Variants in ZNF385D observed in about 807,000 individuals in gnomAD.
ZNF385D encodes the protein zinc finger protein 385D.
In ZNF385D, 15 loss-of-function variants were observed where a neutral mutation model predicts 35.8. The ratio of observed to expected loss-of-function variants is 0.42; its 90% CI spans 0.28 to 0.64. ZNF385D has a LOEUF of 0.64. ZNF385D is among the 30% of genes least tolerant of loss of function. ZNF385D has a pLI of 0.23. For synonymous variants in ZNF385D, 212 were observed against 186.8 expected (o/e 1.13, Z -1.10); for missense variants, 474 against 494.6 (o/e 0.96, Z 0.39).
chr3:21,806,562 G>A (rs1251455958), intron 3 of ZNF385D, among the ~76,000 whole-genome samples: 1 of 152,058 alleles, frequency 6.6e-6, no homozygotes, highest in African/African-American at 2.4e-5. Flanking sequence ...TGAAACCAGT[G>A]CAATTTTTAT....
chr3:21,556,068 G>GTTTTTTTTTTTTTTTTTTTTT (rs148079775), intron 3 of ZNF385D, among the ~76,000 whole-genome samples: 35 of 99,008 alleles, frequency 3.5e-4, no homozygotes, highest in Non-Finnish European at 4.5e-4. Context: ...TTTTGTTTTT[G>GTTTTTTTTTTTTTTTTTTTTT]TTTTTTTTTT....
intron 3 of ZNF385D, among the ~76,000 whole-genome samples, chr3:22,080,817 C>T (rs1700710574): frequency 6.6e-6 from 1 of 151,796 alleles, no homozygotes; most frequent in Non-Finnish European, 1.5e-5. Flanking sequence ...AAATGGGACC[C>T]CAGAGAACTA....
At chr3:22,281,677 A>G (rs947852398) in intron 2 of ZNF385D, among the ~76,000 whole-genome samples, 3 of 151,812 alleles carry the variant, frequency 2.0e-5, no homozygotes, top group African/African-American at 7.3e-5. Context: ...ATCTATGTTC[A>G]TCAGGAACAC....
intron 3 of ZNF385D, among the ~76,000 whole-genome samples, chr3:22,016,224 A>C (rs900612696): frequency 2.0e-5 from 3 of 152,060 alleles, no homozygotes; most frequent in Non-Finnish European, 4.4e-5. Flanking sequence ...TTTTGCTGTC[A>C]CAGCAAGGAG....
chr3:21,875,966 T>A (rs1021359003), intron 3 of ZNF385D, among the ~76,000 whole-genome samples: 2 of 152,128 alleles, frequency 1.3e-5, no homozygotes, highest in African/African-American at 4.8e-5. Context: ...CATTCACATG[T>A]GGAGATTTAA....
rs1700532549 is a variant in ZNF385D, at chr3:21,414,295, T to C, written c.*6919A>G. 6.6e-6 allele frequency: 1 copy of C among 152,082 alleles called. No individual in the cohort carries two copies. Among genetic ancestry groups the C allele is most frequent in the Admixed American group, 6.6e-5 (1 of 15,256 alleles). The allele number at this position is 152,082 out of a possible 1,614,324, so 9.4% of individuals were successfully genotyped here. On this transcript the variant is annotated 3_prime_UTR_variant, in exon 8 of 8. Transcript: ENST00000281523. ...CTGATAAAATAAATGAAAGAAACTA[T>C]GACTAAAAATATTCCCCGAAGAAAC...
intron 2 of ZNF385D, among the ~76,000 whole-genome samples, chr3:22,261,716 C>A (rs143240870): frequency 0.011 from 1,725 of 152,010 alleles, 51 homozygotes; most frequent in Admixed American, 0.06. Flanking sequence ...ATCTGCCCTG[C>A]CGTTTTGCCT....
At chr3:22,215,212 G>A (rs956033481) in intron 2 of ZNF385D, among the ~76,000 whole-genome samples, 7 of 151,952 alleles carry the variant, frequency 4.6e-5, no homozygotes, top group East Asian at 1.9e-4. Flanking sequence ...TACAGCATGC[G>A]TGTTTGAACA....
At chr3:21,769,706 T>A (rs1207772651) in intron 3 of ZNF385D, among the ~76,000 whole-genome samples, 2 of 109,622 alleles carry the variant, frequency 1.8e-5, no homozygotes, top group Admixed American at 9.8e-5. Context: ...AAGCTCCCAA[T>A]GACTTTCTTC....
chr3:21,424,081 A>G lies in ZNF385D; in HGVS notation c.853-17T>C, dbSNP rs755620025. ...GCTAATGTGCTATTAAAAGTAATTT[A>G]AAATGACAGCTTTAAAAAAATCATC... On this transcript the variant is annotated splice_polypyrimidine_tract_variant and intron_variant, in intron 6 of 7. Transcript: ENST00000281523. 2.4e-5 allele frequency: 37 copies of G among 1,548,202 alleles called. No homozygotes were observed. The highest frequency in any genetic ancestry group is 3.0e-5 in the Non-Finnish European group (35 of 1,154,824).
At chr3:21,893,844 T>G (rs1389668588) in intron 3 of ZNF385D, among the ~76,000 whole-genome samples, 1 of 152,224 alleles carries the variant, frequency 6.6e-6, no homozygotes, top group African/African-American at 2.4e-5. Context: ...TCTGCAGACT[T>G]TTAATAATAT....
chr3:22,351,767 G>C (rs571353434), intron 2 of ZNF385D, among the ~76,000 whole-genome samples: 1 of 152,132 alleles, frequency 6.6e-6, no homozygotes, highest in African/African-American at 2.4e-5. Flanking sequence ...TACTATCATG[G>C]GTTTCACAAA....
intron 3 of ZNF385D, among the ~76,000 whole-genome samples, chr3:22,139,386 C>T (rs1187457120): frequency 1.3e-5 from 2 of 152,044 alleles, no homozygotes; most frequent in African/African-American, 2.4e-5. Flanking sequence ...CAATGATAGA[C>T]TGGATTAAGA....
intron 3 of ZNF385D, among the ~76,000 whole-genome samples, chr3:21,517,700 T>C (rs1044139528): frequency 1.3e-5 from 2 of 152,204 alleles, no homozygotes; most frequent in Non-Finnish European, 2.9e-5. Flanking sequence ...TTAAGTCACA[T>C]GCACAGGTGC....
intron 2 of ZNF385D, among the ~76,000 whole-genome samples, chr3:22,186,642 A>G (rs1695652751): frequency 6.6e-6 from 1 of 152,162 alleles, no homozygotes; most frequent in Non-Finnish European, 1.5e-5. Context: ...GCTGGGTCAT[A>G]AGAATTTGAT....
chr3:22,153,926 C>T (rs1393165088), intron 3 of ZNF385D, among the ~76,000 whole-genome samples: 1 of 152,120 alleles, frequency 6.6e-6, no homozygotes, highest in African/African-American at 2.4e-5. Context: ...TTTAAACATG[C>T]TAATCATGGT....
At chr3:21,572,067 G>A (rs1165074061) in intron 2 of ZNF385D, among the ~76,000 whole-genome samples, 1 of 152,064 alleles carries the variant, frequency 6.6e-6, no homozygotes, top group African/African-American at 2.4e-5. Context: ...GACATTACTG[G>A]GCTCAAAGCC....
At chr3:21,721,498 AT>A (rs2068539583) in intron 1 of ZNF385D, among the ~76,000 whole-genome samples, 1 of 152,198 alleles carries the variant, frequency 6.6e-6, no homozygotes, top group Non-Finnish European at 1.5e-5. Context: ...ATCTTCAAAT[AT>A]AAAAAAGTAA....
intron 2 of ZNF385D, among the ~76,000 whole-genome samples, chr3:22,303,747 A>C (rs1049740301): frequency 3.3e-5 from 5 of 151,706 alleles, no homozygotes; most frequent in African/African-American, 1.2e-4. Context: ...CCTCATTCTG[A>C]GTGTTTTTGG....
Sources: allele counts gnomAD v4.1 joint callset (sites outside exome capture counted in the v4.1 genomes callset), GRCh38; gene constraint gnomAD v4.1.1; transcripts MANE v1.5; gene names NCBI Gene and HGNC (gene_info 2026-07-23, HGNC 2026-07-21).